Variants in PRKAR1B observed in about 807,000 individuals in gnomAD.
PRKAR1B encodes protein kinase cAMP-dependent type I regulatory subunit beta.
Under a neutral mutation model 46.5 loss-of-function variants are expected in PRKAR1B, and 22 were observed. The observed-to-expected ratio is 0.47, with a 90% CI of 0.34 to 0.68. The LOEUF (loss-of-function observed/expected upper bound fraction) is 0.68, where lower values mean the gene tolerates loss of function less well. Ranked by LOEUF, PRKAR1B falls within the 30% of genes least tolerant of loss-of-function variation. The probability of loss-of-function intolerance (pLI) is 0.01; values close to 1 mark genes in which losing one functional copy is unlikely to be tolerated. For missense variants in PRKAR1B, 445 were observed against 535.6 expected, an observed-to-expected ratio of 0.83 and a Z score of 1.67; for synonymous variants, 259 against 217.7, an observed-to-expected ratio of 1.19 and a Z score of -1.67.
chr7:563,770 T>C (rs1778961280), intron 9 of PRKAR1B, among the ~76,000 whole-genome samples: 2 of 150,726 alleles, frequency 1.3e-5, no homozygotes, highest in South Asian at 2.1e-4. Flanking sequence ...CAGGTGTGCA[T>C]GCATGTCTGT....
At chr7:703,796 C>G (rs1780180497) in intron 2 of PRKAR1B, among the ~76,000 whole-genome samples, 1 of 152,126 alleles carries the variant, frequency 6.6e-6, no homozygotes, top group Non-Finnish European at 1.5e-5. Context: ...GTGATATTCA[C>G]CAAGATAAAG....
chr7:725,763 C>T (rs1781242208), intron 1 of PRKAR1B, among the ~76,000 whole-genome samples: 1 of 152,150 alleles, frequency 6.6e-6, no homozygotes, highest in South Asian at 2.1e-4. Context: ...CCAGTTGCTC[C>T]TTAGGATAAC....
At position 679,772 on chromosome 7, in the gene PRKAR1B, T is replaced by C. The variant is rs1393293432; in HGVS notation, c.348+784A>G. 2.0e-5 allele frequency among the ~76,000 whole-genome samples: 3 copies of C among 152,140 alleles called. No individual in the cohort carries two copies. In the East Asian group the frequency reaches 5.8e-4, roughly 29 times the overall value. On this transcript the variant is annotated intron_variant, in intron 3 of 10. Coordinates refer to ENST00000537384, the MANE Select transcript of PRKAR1B (RefSeq NM_001164760.2). ...ATGGAAGCCCTAACCAGCCATGCTATGGTATTTGGAGAGAGGCCTTTGGGA... is the reference window on the plus strand; with the variant it reads ...ATGGAAGCCCTAACCAGCCATGCTACGGTATTTGGAGAGAGGCCTTTGGGA...
Position 667,861 on chromosome 7 carries a change from C to G in PRKAR1B, c.440+9368G>C, listed in dbSNP as rs545653008. ...CTTCGATCAAGGCCAACTAGCAATA[C>G]CACCATCCTAGAAGGACAGGCAGGC... On this transcript the variant is annotated intron_variant, in intron 4 of 10. Transcript: ENST00000537384. This position sits in a 1 kb window ranked among gnomAD's most constrained non-coding sequence, Gnocchi z 4.3. Among the ~76,000 whole-genome samples, 1 of 152,214 alleles carries G rather than the reference C, an allele frequency of 6.6e-6. No individual in the cohort carries two copies. The highest frequency in any genetic ancestry group is 1.5e-5 in the Non-Finnish European group (1 of 68,036).
At chr7:582,784 C>T (rs927518133) in intron 8 of PRKAR1B, among the ~76,000 whole-genome samples, 2 of 152,212 alleles carry the variant, frequency 1.3e-5, no homozygotes, top group Admixed American at 6.5e-5. Context: ...CACCAGGGGC[C>T]GGACCACCCA....
At chr7:577,663 G>A (rs1232615925) in intron 9 of PRKAR1B, among the ~76,000 whole-genome samples, 1 of 152,146 alleles carries the variant, frequency 6.6e-6, no homozygotes, top group Non-Finnish European at 1.5e-5. Context: ...CCCAGTTCCT[G>A]CAGCATGAAT....
chr7:661,081 C>G (rs1583375932), intron 4 of PRKAR1B, among the ~76,000 whole-genome samples: 3 of 31,312 alleles, frequency 9.6e-5, no homozygotes, highest in Admixed American at 2.6e-4. Flanking sequence ...AGGTCCCCAC[C>G]CCAACGGGTC....
upstream of PRKAR1B, chr7:727,406 G>A: frequency 1.6e-6 from 1 of 607,144 alleles, no homozygotes; most frequent in South Asian, 8.6e-5. Flanking sequence ...CCCGCGGCTC[G>A]GCCCCGCCCC....
At chr7:726,670 C>T (rs371578096) in intron 1 of PRKAR1B, 1 of 1,202,058 alleles carries the variant, frequency 8.3e-7, no homozygotes, top group Non-Finnish European at 1.0e-6. Flanking sequence ...GTAATCTGCG[C>T]TGAGAGTCGC....
At position 642,185 on chromosome 7, in the gene PRKAR1B, C is replaced by G. The variant is rs181706079; in HGVS notation, c.441-34733G>C. On this transcript the variant is annotated intron_variant, in intron 4 of 10. Transcript: ENST00000537384. ...TGTTAGGATGACAGGCATGAGCCAC[C>G]GCACCCACCCGACTCCGTTTATTTC... Among the ~76,000 whole-genome samples the G allele has an allele frequency of 5.4e-3, 829 of 152,214 alleles. 3 individuals are homozygous for G. The highest frequency in any genetic ancestry group is 0.017 in the South Asian group (84 of 4,824).
chr7:609,818 G>A (rs571148977), intron 4 of PRKAR1B, among the ~76,000 whole-genome samples: 22 of 152,088 alleles, frequency 1.4e-4, no homozygotes, highest in African/African-American at 3.4e-4. Flanking sequence ...ACAGCTCACC[G>A]CAGCCTCCAA....
At chr7:703,904 AAC>A (rs1270311971) in intron 2 of PRKAR1B, among the ~76,000 whole-genome samples, 3 of 152,210 alleles carry the variant, frequency 2.0e-5, no homozygotes, top group African/African-American at 7.2e-5. Flanking sequence ...AGAAATAAAT[AAC>A]AGAGAGATAT....
At chr7:631,728 G>C (rs1391948428) in intron 4 of PRKAR1B, among the ~76,000 whole-genome samples, 2 of 152,100 alleles carry the variant, frequency 1.3e-5, no homozygotes, top group African/African-American at 4.8e-5. Flanking sequence ...CCGAGGAGAG[G>C]TTCGCTTGAG....
rs539054744 is a variant in PRKAR1B, at chr7:653,870, A to G, written c.440+23359T>C. Among the ~76,000 whole-genome samples the G allele has an allele frequency of 9.9e-5, 15 of 152,038 alleles. No individual in the cohort carries two copies. The South Asian group carries it at 2.7e-3, about 27-fold the overall frequency. On this transcript the variant is annotated intron_variant, in intron 4 of 10. Coordinates refer to ENST00000537384, the MANE Select transcript of PRKAR1B (RefSeq NM_001164760.2). ...CACTATCACCATCATCACCAACATCACCATCATCACCTTCATCACCATCAC... is the reference window on the plus strand; with the variant it reads ...CACTATCACCATCATCACCAACATCGCCATCATCACCTTCATCACCATCAC...
At chr7:654,339 TCAC>T (rs1018281277) in intron 4 of PRKAR1B, among the ~76,000 whole-genome samples, 1 of 149,636 alleles carries the variant, frequency 6.7e-6, no homozygotes, top group Non-Finnish European at 1.5e-5. Context: ...ACTATCCTCA[TCAC>T]CATCTTCATC....
intron 9 of PRKAR1B, chr7:561,896 G>C (rs938918172): frequency 6.6e-6 from 1 of 152,296 alleles, no homozygotes; most frequent in Non-Finnish European, 1.5e-5. Flanking sequence ...AGTGAGGCAG[G>C]CCTGGCCCCG....
intron 4 of PRKAR1B, among the ~76,000 whole-genome samples, chr7:640,529 G>A (rs757231213): frequency 9.2e-5 from 14 of 152,146 alleles, no homozygotes; most frequent in Non-Finnish European, 1.9e-4. Context: ...TCGGGAGGCC[G>A]AGGCGGGTGG....
chr7:704,825 A>G (rs1394598882), intron 2 of PRKAR1B, among the ~76,000 whole-genome samples: 1 of 152,194 alleles, frequency 6.6e-6, no homozygotes, highest in African/African-American at 2.4e-5. Context: ...TTGTAAATTA[A>G]ATATCTGACA....
At chr7:582,325 G>C (rs937188413) in intron 8 of PRKAR1B, among the ~76,000 whole-genome samples, 1 of 152,266 alleles carries the variant, frequency 6.6e-6, no homozygotes, top group African/African-American at 2.4e-5. Flanking sequence ...GCCGTTCCCA[G>C]GTTTCTGGTG....
Sources: gnomAD v4.1 joint callset for allele counts (sites outside exome capture counted in the v4.1 genomes callset) on GRCh38, gnomAD v4.1.1 for gene constraint, Gnocchi (gnomAD v3.1) non-coding constraint, MANE v1.5 for transcripts, NCBI Gene and HGNC (gene_info 2026-07-23, HGNC 2026-07-21) for gene names.